The following LRP1B variants were observed in gnomAD, a reference collection of about 807,000 sequenced individuals.
The protein encoded by LRP1B is low-density lipoprotein receptor-related protein 1B.
A neutral mutation model predicts 556.6 loss-of-function variants in LRP1B; 217 were observed. The ratio of observed to expected loss-of-function variants is 0.39; its 90% confidence interval spans 0.35 to 0.44. The LOEUF (loss-of-function observed/expected upper bound fraction) is 0.44, where lower values mean the gene tolerates loss of function less well. Among genes scored for constraint, LRP1B ranks in the 20% least tolerant of loss-of-function variants. The probability of loss-of-function intolerance (pLI) is 1.00; values close to 1 mark genes in which losing one functional copy is unlikely to be tolerated. For synonymous variants in LRP1B, 2,047 were observed against 1,865.8 expected (o/e 1.10, Z -2.50); for missense variants, 5,053 against 5,620.8 (o/e 0.90, Z 3.23).
chr2:140,681,960 G>C (rs772333082), intron 41 of LRP1B, among the ~76,000 whole-genome samples: 2 of 152,174 alleles, frequency 1.3e-5, no homozygotes, highest in Non-Finnish European at 2.9e-5. Flanking sequence ...AAACAAGAAA[G>C]GCATGTGTGG....
rs985615181 is a variant in LRP1B, at chr2:140,491,494, G to T, written c.9120+1114C>A. 4.6e-5 allele frequency among the ~76,000 whole-genome samples: 7 copies of T among 152,058 alleles called. No individual in the cohort carries two copies. The East Asian group carries it at 7.7e-4, about 17-fold the overall frequency. The stretch of plus-strand genomic sequence containing the variant: ...TGAATTTATAGAAAGACTTAGAAGG[G>T]CTGTGAAGTCATATCCCAAGAAAGA... On this transcript the variant is annotated intron_variant, in intron 57 of 90. Coordinates refer to ENST00000389484, the MANE Select transcript of LRP1B (RefSeq NM_018557.3).
chr2:142,106,151 T>A (rs960500564), intron 1 of LRP1B, among the ~76,000 whole-genome samples: 3 of 152,200 alleles, frequency 2.0e-5, no homozygotes, highest in African/African-American at 7.2e-5. Context: ...AGTATATCTG[T>A]AAGAAGTGTT....
intron 35 of LRP1B, among the ~76,000 whole-genome samples, chr2:140,728,655 G>A (rs896339129): frequency 6.6e-6 from 1 of 152,008 alleles, no homozygotes; most frequent in African/African-American, 2.4e-5. Flanking sequence ...TAAAAACAGA[G>A]GCCTTCCCAA....
At chr2:141,789,370 C>T (rs981168101) in intron 2 of LRP1B, among the ~76,000 whole-genome samples, 2 of 151,906 alleles carry the variant, frequency 1.3e-5, no homozygotes, top group Admixed American at 6.6e-5. Context: ...AAAAATAATA[C>T]TATCAACCAC....
rs772339587 is a variant in LRP1B at position 141,019,933 on chromosome 2, A to G, written c.1959T>C (p.Asp653=). The G allele has an allele frequency of 2.5e-6, 4 of 1,595,630 alleles. No individual in the cohort carries two copies. In the African/African-American group the frequency reaches 4.0e-5, roughly 16 times the overall value. The part of the protein sequence containing the change: ...EMSHPRGIVV[D]PVNGWMYWTD... ...CAAATATTGCATACCCATTAACTGGATCCACCACAATTCCTCTGGGATGAG... is the reference window on the plus strand; with the variant it reads ...CAAATATTGCATACCCATTAACTGGGTCCACCACAATTCCTCTGGGATGAG... Residue 653 remains aspartate, a synonymous_variant, in exon 12 of 91, where the codon GAT becomes GAC. Coordinates refer to ENST00000389484, the MANE Select transcript of LRP1B (RefSeq NM_018557.3).
At chr2:140,565,865 A>G (rs906097174) in intron 43 of LRP1B, among the ~76,000 whole-genome samples, 3 of 152,120 alleles carry the variant, frequency 2.0e-5, no homozygotes, top group Admixed American at 1.3e-4. Flanking sequence ...AAAGGTAAAC[A>G]AAAGGATCCC....
chr2:141,568,197 G>C (rs1340147426), intron 2 of LRP1B, among the ~76,000 whole-genome samples: 3 of 151,100 alleles, frequency 2.0e-5, no homozygotes, highest in East Asian at 3.9e-4. Flanking sequence ...AGAGCATTAA[G>C]GATGGGCTGG....
chr2:141,791,783 C>T (rs896706968), intron 2 of LRP1B, among the ~76,000 whole-genome samples: 1 of 152,014 alleles, frequency 6.6e-6, no homozygotes, highest in Non-Finnish European at 1.5e-5. Context: ...GTAAGCAGTC[C>T]TGCCCTCTTG....
At chr2:140,952,607 C>T (rs1695751437) in intron 18 of LRP1B, among the ~76,000 whole-genome samples, 1 of 151,914 alleles carries the variant, frequency 6.6e-6, no homozygotes, top group African/African-American at 2.4e-5. Context: ...GACCTCCTTA[C>T]TAACCTTTAG....
At chr2:141,717,658 A>G (rs1175349617) in intron 2 of LRP1B, among the ~76,000 whole-genome samples, 2 of 152,200 alleles carry the variant, frequency 1.3e-5, no homozygotes, top group African/African-American at 2.4e-5. Context: ...GGAAAAGCAG[A>G]TCAACGCACT....
chr2:140,619,770 C>T (rs971796280), intron 41 of LRP1B, among the ~76,000 whole-genome samples: 1 of 152,050 alleles, frequency 6.6e-6, no homozygotes, highest in African/African-American at 2.4e-5. Context: ...TACATTATAA[C>T]AAAATAACAT....
At chr2:141,795,764 A>G (rs868799661) in intron 2 of LRP1B, among the ~76,000 whole-genome samples, 3 of 149,902 alleles carry the variant, frequency 2.0e-5, no homozygotes, top group Middle Eastern at 3.2e-3. Flanking sequence ...TCTGGCATGT[A>G]TGCAGGCTGA....
At chr2:141,709,870 C>G (rs766383962) in intron 2 of LRP1B, among the ~76,000 whole-genome samples, 1 of 152,036 alleles carries the variant, frequency 6.6e-6, no homozygotes, top group Non-Finnish European at 1.5e-5. Flanking sequence ...TCTCACAGAT[C>G]TGGAGGCTGG....
intron 2 of LRP1B, among the ~76,000 whole-genome samples, chr2:141,481,970 C>T (rs888807572): frequency 6.6e-6 from 1 of 151,934 alleles, no homozygotes; most frequent in Non-Finnish European, 1.5e-5. Flanking sequence ...TGTTGTAAAC[C>T]CCTTTCCTCC....
chr2:140,508,217 C>A (rs541056208), intron 52 of LRP1B, among the ~76,000 whole-genome samples: 46 of 152,256 alleles, frequency 3.0e-4, no homozygotes, highest in African/African-American at 1.1e-3. Flanking sequence ...CTTTCTCTTT[C>A]TTTGTCCCTC....
intron 66 of LRP1B, among the ~76,000 whole-genome samples, chr2:140,418,237 G>T (rs944724871): frequency 1.3e-5 from 2 of 152,302 alleles, no homozygotes; most frequent in Middle Eastern, 3.4e-3. Flanking sequence ...ACATCGCAGA[G>T]ATTTTGAAAG....
At chr2:140,675,983 G>A (rs1685659313) in intron 41 of LRP1B, among the ~76,000 whole-genome samples, 1 of 151,932 alleles carries the variant, frequency 6.6e-6, no homozygotes, top group Admixed American at 6.6e-5. Context: ...AAAATACAGA[G>A]AAGCTGATCT....
At chr2:141,918,170 T>C (rs570723064) in intron 1 of LRP1B, among the ~76,000 whole-genome samples, 9 of 152,070 alleles carry the variant, frequency 5.9e-5, no homozygotes, top group East Asian at 3.9e-4. Flanking sequence ...GTGAAAGATA[T>C]GGTAGGATAC....
chr2:141,013,626 C>A lies in LRP1B; in HGVS notation c.2310G>T (p.Glu770Asp), dbSNP rs767017497. Residue 770 changes from glutamate to aspartate, a missense_variant, in exon 14 of 91, where the codon GAG (glutamate) becomes GAT (aspartate). By Grantham distance (45) the Glu-to-Asp change is conservative (BLOSUM62 2). This residue lies in a region of LRP1B where 3,619 missense variants were observed against 3,931.9 expected (regional missense o/e 0.92). Transcript: ENST00000389484. ...GTCTTTCATGCCTCAGCAATGTCAC[C>A]TCACTTGTTATCAAATCTAGTTGAA... ...SIFQLDLITSEVTLLRHERPP... is the reference protein window; with the variant it reads ...SIFQLDLITSDVTLLRHERPP... 6.2e-7 allele frequency: 1 copy of A among 1,612,372 alleles called. No individual in the cohort carries two copies. Among genetic ancestry groups the A allele is most frequent in the Non-Finnish European group, 8.5e-7 (1 of 1,179,048 alleles).
Sources: allele counts gnomAD v4.1 joint callset (sites outside exome capture counted in the v4.1 genomes callset), GRCh38; gene constraint gnomAD v4.1.1; regional missense constraint gnomAD v4.1.1; transcripts MANE v1.5; gene names NCBI Gene and HGNC (gene_info 2026-07-23, HGNC 2026-07-21).